IQCM: variants seen among roughly 807,000 people sequenced by gnomAD.
IQCM encodes IQ motif containing M, also known as IQ domain-containing protein M.
A neutral mutation model predicts 57.6 loss-of-function variants in IQCM; 45 were observed. That is an observed-to-expected ratio of 0.78 (90% CI 0.62 to 1.00). The LOEUF is 1.00. Among genes scored for constraint, IQCM ranks in the 50% least tolerant of loss-of-function variants. The pLI, the probability that IQCM is intolerant of heterozygous loss-of-function variation, is 0.00. For missense variants in IQCM, 468 were observed against 511.6 expected, an observed-to-expected ratio of 0.91 and a Z score of 0.82; for synonymous variants, 148 against 158.9, an observed-to-expected ratio of 0.93 and a Z score of 0.51.
intron 12 of IQCM, among the ~76,000 whole-genome samples, chr4:149,492,227 T>C (rs1187862996): frequency 6.6e-6 from 1 of 152,092 alleles, no homozygotes; most frequent in Non-Finnish European, 1.5e-5. Context: ...TGACTGCAGC[T>C]CTTAAATAGG....
At chr4:149,414,843 A>C (rs1238870142) in intron 13 of IQCM, among the ~76,000 whole-genome samples, 1 of 152,096 alleles carries the variant, frequency 6.6e-6, no homozygotes, top group African/African-American at 2.4e-5. Context: ...TAAAAGTTTT[A>C]ATTGATTTTT....
At chr4:149,693,718 G>C (rs1763108914) in intron 5 of IQCM, among the ~76,000 whole-genome samples, 2 of 152,192 alleles carry the variant, frequency 1.3e-5, no homozygotes, top group African/African-American at 2.4e-5. Flanking sequence ...CAGAGAACAG[G>C]TTTTGTATAA....
chr4:149,448,183 C>T (rs2111381807), intron 12 of IQCM, among the ~76,000 whole-genome samples: 1 of 151,546 alleles, frequency 6.6e-6, no homozygotes, highest in Non-Finnish European at 1.5e-5. Flanking sequence ...TGCTCTATGA[C>T]TAAATTGGAG....
At chr4:149,361,474 T>C (rs917821269) in intron 13 of IQCM, among the ~76,000 whole-genome samples, 15 of 151,846 alleles carry the variant, frequency 9.9e-5, no homozygotes. Flanking sequence ...GAAAAAGTGG[T>C]TTTGTGGGCA....
rs529661042 is a variant in IQCM at position 149,813,642 on chromosome 4, A to G, written c.-49+1669T>C. ...AAAGCTATCTGAGAAGTAATTAGATACCTATATGTCTTCCCCTACTCCACT... is the reference window on the plus strand; with the variant it reads ...AAAGCTATCTGAGAAGTAATTAGATGCCTATATGTCTTCCCCTACTCCACT... On this transcript the variant is annotated intron_variant, in intron 2 of 13. Coordinates refer to ENST00000636793, the MANE Select transcript of IQCM (RefSeq NM_001363507.2). Among the ~76,000 whole-genome samples, 40 of 152,216 alleles carry G rather than the reference A, an allele frequency of 2.6e-4. No homozygotes were observed. The South Asian group carries it at 7.9e-3, about 30-fold the overall frequency.
intron 8 of IQCM, among the ~76,000 whole-genome samples, chr4:149,607,898 ATG>A (rs1451392108): frequency 1.3e-5 from 2 of 152,038 alleles, no homozygotes; most frequent in East Asian, 3.9e-4. Context: ...AAATAACAAA[ATG>A]GCAGTAGTAA....
In IQCM at chr4:149,440,121, C is replaced by CTTTTTT. The variant is rs955416306; in HGVS notation, c.1229-6570_1229-6565dup. 6.9e-4 allele frequency among the ~76,000 whole-genome samples: 61 copies of CTTTTTT among 88,022 alleles called. 4 individuals carry two copies. In the East Asian group the frequency reaches 0.015, roughly 21 times the overall value. The allele number at this position is 88,022 out of a possible 152,430, so 57.7% of individuals were successfully genotyped here. A position where few individuals can be genotyped will look rare whatever the true frequency, so the allele number is the denominator to read the frequency against. On this transcript the variant is annotated intron_variant, in intron 12 of 13. Transcript: ENST00000636793. ...ACAGGCATGTGCCACCATGCCCGGC[C>CTTTTTT]TTTTTTTTTTTTTTTTTTTTTTTTT...
chr4:149,725,423 C>T (rs1765803618), intron 5 of IQCM, among the ~76,000 whole-genome samples: 1 of 152,102 alleles, frequency 6.6e-6, no homozygotes, highest in African/African-American at 2.4e-5. Context: ...CTAATACATG[C>T]CTTTTGAGAT....
At chr4:149,658,546 T>C (rs1759848418) in intron 7 of IQCM, among the ~76,000 whole-genome samples, 1 of 152,158 alleles carries the variant, frequency 6.6e-6, no homozygotes, top group Admixed American at 6.6e-5. Flanking sequence ...AGAATATTGA[T>C]ATTTTCATAG....
chr4:149,643,823 T>C (rs1215618088), intron 7 of IQCM, among the ~76,000 whole-genome samples: 1 of 152,126 alleles, frequency 6.6e-6, no homozygotes, highest in Non-Finnish European at 1.5e-5. Context: ...AATAAATCTC[T>C]CCAGTGGGTT....
intron 3 of IQCM, among the ~76,000 whole-genome samples, chr4:149,736,341 C>G (rs1052365038): frequency 6.6e-6 from 1 of 152,162 alleles, no homozygotes; most frequent in Admixed American, 6.6e-5. Flanking sequence ...AAGTTTTCCT[C>G]TTTACATATT....
chr4:149,611,517 T>A (rs1755287550), intron 8 of IQCM, among the ~76,000 whole-genome samples: 1 of 152,110 alleles, frequency 6.6e-6, no homozygotes, highest in African/African-American at 2.4e-5. Flanking sequence ...AAGGATGAAA[T>A]CCTGTCACTT....
chr4:149,620,524 T>C (rs544881344), intron 8 of IQCM, among the ~76,000 whole-genome samples: 1 of 152,332 alleles, frequency 6.6e-6, no homozygotes, highest in East Asian at 1.9e-4. Context: ...TGTTGTAAAA[T>C]AGCATTACGT....
At chr4:149,740,952 G>A (rs1476707223) in intron 3 of IQCM, among the ~76,000 whole-genome samples, 3 of 152,058 alleles carry the variant, frequency 2.0e-5, no homozygotes, top group Admixed American at 1.3e-4. Context: ...AGGGTAAAGA[G>A]TTATGGAGCT....
intron 7 of IQCM, among the ~76,000 whole-genome samples, chr4:149,623,247 A>G (rs968812163): frequency 2.6e-5 from 4 of 152,200 alleles, no homozygotes; most frequent in Admixed American, 1.3e-4. Flanking sequence ...TTACAGGCAA[A>G]GAGATTATCT....
chr4:149,677,125 C>T (rs960868388), intron 7 of IQCM, among the ~76,000 whole-genome samples: 3 of 152,024 alleles, frequency 2.0e-5, no homozygotes, highest in Non-Finnish European at 1.5e-5. Flanking sequence ...TCAAAGTGAA[C>T]GAAGAGCTTA....
At chr4:149,487,613 G>A (rs1257570210) in intron 12 of IQCM, among the ~76,000 whole-genome samples, 1 of 152,130 alleles carries the variant, frequency 6.6e-6, no homozygotes, top group Non-Finnish European at 1.5e-5. Flanking sequence ...ACTGACCACT[G>A]GGATGGGCTA....
intron 13 of IQCM, among the ~76,000 whole-genome samples, chr4:149,391,989 C>G (rs1362665668): frequency 6.6e-6 from 1 of 151,830 alleles, no homozygotes; most frequent in Non-Finnish European, 1.5e-5. Context: ...CTATTAAAGT[C>G]TAGGTGGTTT....
chr4:149,429,292 A>G (rs539348931), intron 13 of IQCM, among the ~76,000 whole-genome samples: 1 of 152,072 alleles, frequency 6.6e-6, no homozygotes, highest in East Asian at 1.9e-4. Flanking sequence ...TAACTTTCCA[A>G]AATAGCCTTT....
Sources: gnomAD v4.1 joint callset for allele counts (sites outside exome capture counted in the v4.1 genomes callset) on GRCh38, gnomAD v4.1.1 for gene constraint, MANE v1.5 for transcripts, NCBI Gene and HGNC (gene_info 2026-07-23, HGNC 2026-07-21) for gene names.